LAMA3: variants seen among roughly 807,000 people sequenced by gnomAD.
LAMA3 encodes the protein laminin subunit alpha-3.
LAMA3 carries 281 observed loss-of-function variants against 402.0 expected under a neutral mutation model. That is an observed-to-expected ratio of 0.70 (90% CI 0.63 to 0.77). The LOEUF is 0.77. LAMA3 is among the 30% of genes least tolerant of loss of function. The pLI, the probability that LAMA3 is intolerant of heterozygous loss-of-function variation, is 0.00. For missense variants in LAMA3, 3,840 were observed against 4,215.5 expected, an observed-to-expected ratio of 0.91 and a Z score of 2.47; for synonymous variants, 1,431 against 1,558.4, an observed-to-expected ratio of 0.92 and a Z score of 1.93.
intron 59 of LAMA3, among the ~76,000 whole-genome samples, chr18:23,916,005 C>CAAAAAAAAAAAAAAAAA (rs1408575781): frequency 2.4e-5 from 1 of 41,954 alleles, no homozygotes; most frequent in African/African-American, 1.4e-4. Context: ...GACTCCATCT[C>CAAAAAAAAAAAAAAAAA]CAAAAAAAAA....
intron 32 of LAMA3, among the ~76,000 whole-genome samples, chr18:23,850,946 T>A (rs558373767): frequency 3.7e-4 from 57 of 152,380 alleles, no homozygotes; most frequent in Admixed American, 2.8e-3. Flanking sequence ...AAGCCACGTG[T>A]ACCTCATGCC....
Position 23,858,804 on chromosome 18 carries a change from A to G in LAMA3, c.4397A>G (p.His1466Arg), listed in dbSNP as rs773721971. ...TGTTTTGGAGTAAATAATCAATGTC[A>G]CAGCTCACATAAGCGAAGGACTAAG... Reference protein sequence around the residue: ...CFCFGVNNQCHSSHKRRTKFV... With the variant: ...CFCFGVNNQCRSSHKRRTKFV... The change falls in exon 34 of 75, where the codon CAC (histidine) becomes CGC (arginine). Residue 1466 changes from histidine (H) to arginine (R), a missense_variant. By Grantham distance (29) the His-to-Arg change is conservative (BLOSUM62 0). Coordinates refer to ENST00000313654, the MANE Select transcript of LAMA3 (RefSeq NM_198129.4). 13 of 1,614,198 alleles carry G rather than the reference A, an allele frequency of 8.1e-6. No individual in the cohort carries two copies. The East Asian group carries it at 2.7e-4, about 33-fold the overall frequency.
intron 2 of LAMA3, among the ~76,000 whole-genome samples, chr18:23,718,264 C>G (rs1360111249): frequency 6.6e-6 from 1 of 152,038 alleles, no homozygotes; most frequent in Non-Finnish European, 1.5e-5. Flanking sequence ...GAGTTCTATT[C>G]TATGGGCTCC....
chr18:23,735,577 C>T (rs1208825761), intron 2 of LAMA3, among the ~76,000 whole-genome samples: 1 of 152,166 alleles, frequency 6.6e-6, no homozygotes, highest in Admixed American at 6.5e-5. Context: ...TATCCTTAAA[C>T]ACGCTCCCTT....
chr18:23,873,058 T>G, intron 38 of LAMA3: 1 of 1,614,102 alleles, frequency 6.2e-7, no homozygotes. Flanking sequence ...CCTCCAGCAG[T>G]GAGGCGGTCA....
intron 8 of LAMA3, 37 bp downstream of exon 8, chr18:23,763,560 A>AT (rs1444127790): frequency 6.6e-6 from 8 of 1,210,052 alleles, no homozygotes; most frequent in Non-Finnish European, 9.9e-6. Context: ...ATGTGTTGTC[A>AT]TGGGGAATGA....
chr18:23,891,619 C>T (rs1188456238), intron 42 of LAMA3, among the ~76,000 whole-genome samples: 1 of 152,094 alleles, frequency 6.6e-6, no homozygotes, highest in Non-Finnish European at 1.5e-5. Flanking sequence ...TTCAACCAGA[C>T]AAAATGATGT....
intron 2 of LAMA3, among the ~76,000 whole-genome samples, chr18:23,746,160 G>C (rs565231281): frequency 2.0e-5 from 3 of 152,230 alleles, no homozygotes; most frequent in Admixed American, 6.5e-5. Context: ...AGACAACTCG[G>C]GAGTGTTAAT....
rs773806846 is a variant in LAMA3, at chr18:23,689,888, AG to A, written c.209del (p.Gly70AspfsTer88). On this transcript the variant is annotated frameshift_variant, in exon 1 of 75. Coordinates refer to ENST00000313654, the MANE Select transcript of LAMA3 (RefSeq NM_198129.4). LOFTEE classifies it high-confidence loss of function. ...RIWATATCGE[R>X]GPGEGRPQPE... ...TTGGGCCACCGCCACCTGCGGGGAG[AG>A]GGGACCCGGCGAGGGGAGGCCCCAG... 19 of 1,540,220 alleles carry A rather than the reference AG, an allele frequency of 1.2e-5. No homozygotes were observed. In the South Asian group the frequency reaches 2.3e-4, roughly 19 times the overall value.
At chr18:23,728,218 A>G (rs2061330974) in intron 2 of LAMA3, among the ~76,000 whole-genome samples, 1 of 152,078 alleles carries the variant, frequency 6.6e-6, no homozygotes, top group Admixed American at 6.5e-5. Flanking sequence ...TCTCCCTCCT[A>G]TCTGTCCACT....
intron 1 of LAMA3, among the ~76,000 whole-genome samples, chr18:23,692,919 T>A (rs1272205964): frequency 6.6e-6 from 1 of 152,238 alleles, no homozygotes; most frequent in Non-Finnish European, 1.5e-5. Flanking sequence ...TCTGCTTCTG[T>A]ATAACTCTGT....
chr18:23,835,976 A>C (rs1329176186), intron 24 of LAMA3, among the ~76,000 whole-genome samples: 1 of 152,206 alleles, frequency 6.6e-6, no homozygotes, highest in Non-Finnish European at 1.5e-5. Context: ...TGATTAGATC[A>C]ATCTGGTTAT....
At chr18:23,832,382 T>C (rs1475103272) in intron 23 of LAMA3, among the ~76,000 whole-genome samples, 1 of 151,560 alleles carries the variant, frequency 6.6e-6, no homozygotes, top group Non-Finnish European at 1.5e-5. Flanking sequence ...GTCATTTAAG[T>C]GACAGAAAAA....
chr18:23,776,551 C>A (rs2062323290), intron 10 of LAMA3, among the ~76,000 whole-genome samples: 1 of 152,202 alleles, frequency 6.6e-6, no homozygotes, highest in African/African-American at 2.4e-5. Context: ...GAAACACTGT[C>A]ACAAGGAGAG....
chr18:23,871,987 C>CA (rs1161929040), intron 38 of LAMA3, among the ~76,000 whole-genome samples: 5 of 152,138 alleles, frequency 3.3e-5, no homozygotes, highest in Non-Finnish European at 7.3e-5. Context: ...AAGAAATGAT[C>CA]AATGTTTGAG....
chr18:23,772,575 A>G (rs955048655), intron 8 of LAMA3, among the ~76,000 whole-genome samples: 1 of 152,242 alleles, frequency 6.6e-6, no homozygotes, highest in African/African-American at 2.4e-5. Context: ...TTAGACCTCA[A>G]CATTAAAGTG....
intron 27 of LAMA3, among the ~76,000 whole-genome samples, chr18:23,840,774 A>T (rs2063684817): frequency 6.6e-6 from 1 of 152,160 alleles, no homozygotes; most frequent in Non-Finnish European, 1.5e-5. Context: ...ATAAAAATAT[A>T]ATTTACATTA....
chr18:23,703,373 C>T (rs757407573), intron 1 of LAMA3, among the ~76,000 whole-genome samples: 7 of 152,308 alleles, frequency 4.6e-5, no homozygotes, highest in Non-Finnish European at 1.0e-4. Flanking sequence ...AGGGAGTCTA[C>T]ATAATTCAAC....
At position 23,907,559 on chromosome 18, in the gene LAMA3, C is replaced by T; in HGVS notation, c.6728C>T (p.Pro2243Leu). ...CTTTATTTTATTTTAGAAGTCAGTC[C>T]AGCTCTCAACAACCTACAGCAAACC... is the stretch of plus-strand genomic sequence containing the variant. ...TQKKLKQEVSPALNNLQQTLN... is the reference protein window; with the variant it reads ...TQKKLKQEVSLALNNLQQTLN... The change falls in exon 53 of 75, where the codon CCA (proline) becomes CTA (leucine). Residue 2243 changes from proline to leucine, a missense_variant. By Grantham distance (98) the Pro-to-Leu change is moderately conservative. This residue lies in a region of LAMA3 where 891 missense variants were observed against 857.5 expected (regional missense o/e 1.04). Transcript: ENST00000313654. 1 of 1,611,448 alleles carries T rather than the reference C, an allele frequency of 6.2e-7. No individual in the cohort carries two copies. Among genetic ancestry groups the T allele is most frequent in the South Asian group, 1.1e-5 (1 of 91,006 alleles).
Sources: allele counts gnomAD v4.1 joint callset (sites outside exome capture counted in the v4.1 genomes callset), GRCh38; gene constraint gnomAD v4.1.1; regional missense constraint gnomAD v4.1.1; transcripts MANE v1.5; gene names NCBI Gene and HGNC (gene_info 2026-07-23, HGNC 2026-07-21).